Variants in CDK6 observed in about 807,000 individuals in gnomAD.
CDK6 encodes the protein cyclin-dependent kinase 6.
A neutral mutation model predicts 37.1 loss-of-function variants in CDK6; 6 were observed. The ratio of observed to expected loss-of-function variants is 0.16; its 90% CI spans 0.09 to 0.32. The LOEUF (loss-of-function observed/expected upper bound fraction) is 0.32. Ranked by LOEUF, CDK6 falls within the 10% of genes least tolerant of loss-of-function variation. The pLI, the probability that CDK6 is intolerant of heterozygous loss-of-function variation, is 1.00. For synonymous variants in CDK6, 160 were observed against 161.3 expected (o/e 0.99, Z 0.06); for missense variants, 224 against 418.9 (o/e 0.53, Z 4.06).
chr7:92,616,861 G>T (rs148801161), intron 7 of CDK6, among the ~76,000 whole-genome samples: 1 of 152,092 alleles, frequency 6.6e-6, no homozygotes, highest in Non-Finnish European at 1.5e-5. Context: ...AGAATCTCAC[G>T]TTGGAAGTCT....
intron 5 of CDK6, among the ~76,000 whole-genome samples, chr7:92,647,614 T>C (rs1357630739): frequency 1.3e-5 from 2 of 152,234 alleles, no homozygotes; most frequent in African/African-American, 2.4e-5. Flanking sequence ...ATGCTGACTA[T>C]GTGCTGGATA....
chr7:92,761,592 T>A (rs1411740630), intron 3 of CDK6, among the ~76,000 whole-genome samples: 1 of 152,194 alleles, frequency 6.6e-6, no homozygotes, highest in Non-Finnish European at 1.5e-5. Context: ...TTACAAATAA[T>A]GTGTGCCTTT....
chr7:92,836,341 A>G (rs946173864), intron 1 of CDK6, 137 bp downstream of exon 1: 6 of 151,338 alleles, frequency 4.0e-5, no homozygotes, highest in African/African-American at 1.5e-4. Flanking sequence ...ATTCCAAGGA[A>G]ACACAGGTCC....
intron 2 of CDK6, among the ~76,000 whole-genome samples, chr7:92,775,590 A>G (rs1490650576): frequency 6.6e-6 from 1 of 152,176 alleles, no homozygotes; most frequent in Non-Finnish European, 1.5e-5. Context: ...AGTTTTAAAA[A>G]CTAAGCCTTC....
In CDK6 at chr7:92,607,318, C is replaced by T. The variant is rs1458110623; in HGVS notation, c.*7822G>A. 1 of 233,502 alleles carries T rather than the reference C, an allele frequency of 4.3e-6. No homozygotes were observed. The highest frequency in any genetic ancestry group is 2.2e-5 in the African/African-American group (1 of 45,328). 14.5% of individuals were successfully genotyped at this position (233,502 alleles called of 1,614,324 possible). ...TGCCTGGCATCTATTCCGAGGGCCA[C>T]CTGGCACAGTTTCTAAATTAAGGCA... On this transcript the variant is annotated 3_prime_UTR_variant, in exon 8 of 8. Coordinates refer to ENST00000424848, the MANE Select transcript of CDK6 (RefSeq NM_001145306.2).
rs1224846475 is a variant in CDK6, at chr7:92,835,081, G to C, written c.-367-1391C>G. On this transcript the variant is annotated intron_variant, in intron 1 of 7. Coordinates refer to ENST00000424848, the MANE Select transcript of CDK6 (RefSeq NM_001145306.2). This position sits in a 1 kb window ranked among gnomAD's most constrained non-coding sequence, Gnocchi z 4.2. ...TTTTGCCAGGAATTAAACAAACGGC[G>C]CGACCCCCACGATGAGCGGGTGGAG... 1 of 152,230 alleles carries C rather than the reference G, an allele frequency of 6.6e-6. No individual in the cohort carries two copies. Among genetic ancestry groups the C allele is most frequent in the Non-Finnish European group, 1.5e-5 (1 of 68,064 alleles). The allele number at this position is 152,230 out of a possible 1,614,324, so 9.4% of individuals were successfully genotyped here. A position where few individuals can be genotyped will look rare whatever the true frequency, so the allele number is the denominator to read the frequency against.
At chr7:92,740,492 T>C (rs564497545) in intron 3 of CDK6, among the ~76,000 whole-genome samples, 18 of 152,198 alleles carry the variant, frequency 1.2e-4, no homozygotes, top group Non-Finnish European at 2.2e-4. Flanking sequence ...CAGAACTTAT[T>C]CCACTTTACT....
intron 5 of CDK6, among the ~76,000 whole-genome samples, chr7:92,662,141 G>A (rs1796853333): frequency 6.6e-6 from 1 of 152,230 alleles, no homozygotes; most frequent in African/African-American, 2.4e-5. Flanking sequence ...ACAAGAGCAA[G>A]GGTTGAGGGA....
At chr7:92,653,778 C>T (rs550812763) in intron 5 of CDK6, among the ~76,000 whole-genome samples, 158 of 152,090 alleles carry the variant, frequency 1.0e-3, no homozygotes, top group African/African-American at 3.7e-3. Context: ...TTTCCTTTCT[C>T]TTTTCGTATT....
chr7:92,791,730 T>C (rs892105014), intron 2 of CDK6, among the ~76,000 whole-genome samples: 4 of 152,164 alleles, frequency 2.6e-5, no homozygotes, highest in Admixed American at 2.0e-4. Context: ...CTGAGTCTCA[T>C]AGGACAGTCT....
chr7:92,699,325 A>G (rs1247606182), intron 4 of CDK6, among the ~76,000 whole-genome samples: 1 of 152,238 alleles, frequency 6.6e-6, no homozygotes, highest in Non-Finnish European at 1.5e-5. Flanking sequence ...TAAACTGCTG[A>G]TGCTGTTAGC....
chr7:92,832,443 A>C (rs1380481330), intron 2 of CDK6, among the ~76,000 whole-genome samples: 1 of 152,224 alleles, frequency 6.6e-6, no homozygotes. Flanking sequence ...TAAAACAGAC[A>C]CAGGGATAAC....
intron 3 of CDK6, among the ~76,000 whole-genome samples, chr7:92,751,608 G>C (rs778647712): frequency 6.6e-6 from 1 of 152,088 alleles, no homozygotes; most frequent in African/African-American, 2.4e-5. Context: ...AATAAATTAG[G>C]CTGTATCTTT....
intron 6 of CDK6, among the ~76,000 whole-genome samples, chr7:92,621,502 A>C (rs755875855): frequency 1.3e-5 from 2 of 152,218 alleles, no homozygotes; most frequent in South Asian, 4.1e-4. Flanking sequence ...ACTGTCAGGT[A>C]GTATAAATAA....
intron 5 of CDK6, among the ~76,000 whole-genome samples, chr7:92,661,180 C>T (rs1796826600): frequency 6.6e-6 from 1 of 152,160 alleles, no homozygotes; most frequent in Non-Finnish European, 1.5e-5. Flanking sequence ...CCATCAACCT[C>T]TAATATAGCA....
chr7:92,741,919 T>C (rs559172046), intron 3 of CDK6, among the ~76,000 whole-genome samples: 1 of 152,294 alleles, frequency 6.6e-6, no homozygotes, highest in Admixed American at 6.5e-5. Context: ...TGTTTTGTTT[T>C]TCTTAACTGC....
chr7:92,802,735 T>G (rs1270501682), intron 2 of CDK6, among the ~76,000 whole-genome samples: 1 of 152,228 alleles, frequency 6.6e-6, no homozygotes, highest in African/African-American at 2.4e-5. Flanking sequence ...AGTATGTTAA[T>G]GATGGTGCCC....
chr7:92,822,940 T>C (rs1801208956), intron 2 of CDK6, among the ~76,000 whole-genome samples: 1 of 152,032 alleles, frequency 6.6e-6, no homozygotes, highest in African/African-American at 2.4e-5. Flanking sequence ...TTTTTTCTAT[T>C]TTCTCTCTCA....
At chr7:92,710,342 T>C (rs927145857) in intron 4 of CDK6, among the ~76,000 whole-genome samples, 1 of 152,194 alleles carries the variant, frequency 6.6e-6, no homozygotes, top group Non-Finnish European at 1.5e-5. Flanking sequence ...CTTCCTCACC[T>C]ACTGCTTAGA....
Sources: gnomAD v4.1 joint callset for allele counts (sites outside exome capture counted in the v4.1 genomes callset) on GRCh38, gnomAD v4.1.1 for gene constraint, Gnocchi (gnomAD v3.1) non-coding constraint, MANE v1.5 for transcripts, NCBI Gene and HGNC (gene_info 2026-07-23, HGNC 2026-07-21) for gene names.